The following MAGI1 variants were observed in gnomAD, a reference collection of about 807,000 sequenced individuals.
The protein encoded by MAGI1 is membrane associated guanylate kinase, WW and PDZ domain containing 1.
A neutral mutation model predicts 139.9 loss-of-function variants in MAGI1; 58 were observed. That is an observed-to-expected ratio of 0.41 (90% confidence interval 0.34 to 0.52). The LOEUF (loss-of-function observed/expected upper bound fraction) is 0.52. MAGI1 is among the 20% of genes least tolerant of loss of function. The pLI is 0.12. For synonymous variants in MAGI1, 812 were observed against 737.9 expected (o/e 1.10, Z -1.63); for missense variants, 1,874 against 1,901.6 (o/e 0.99, Z 0.27).
At chr3:66,026,780 C>T (rs932528062) in intron 1 of MAGI1, among the ~76,000 whole-genome samples, 1 of 151,616 alleles carries the variant, frequency 6.6e-6, no homozygotes, top group South Asian at 2.1e-4. Flanking sequence ...AGCAGCACAC[C>T]GTTTTTTGGC....
intron 1 of MAGI1, among the ~76,000 whole-genome samples, chr3:65,676,697 C>A (rs1338009911): frequency 1.3e-5 from 2 of 152,156 alleles, no homozygotes; most frequent in African/African-American, 4.8e-5. Flanking sequence ...GCAAAAAATT[C>A]TACATTTTAT....
chr3:65,483,754 G>T (rs1486186214), intron 3 of MAGI1, among the ~76,000 whole-genome samples: 2 of 152,158 alleles, frequency 1.3e-5, no homozygotes, highest in Admixed American at 6.5e-5. Context: ...GGGTAGCCAG[G>T]GAGGAAAGCG....
chr3:65,425,892 G>A (rs1007338452), intron 12 of MAGI1, among the ~76,000 whole-genome samples: 4 of 152,092 alleles, frequency 2.6e-5, no homozygotes, highest in Non-Finnish European at 5.9e-5. Flanking sequence ...AAGTTCGATA[G>A]CTTTTACAAA....
chr3:65,442,425 T>A (rs1000001038), intron 8 of MAGI1, among the ~76,000 whole-genome samples: 1 of 152,166 alleles, frequency 6.6e-6, no homozygotes, highest in South Asian at 2.1e-4. Context: ...ACGAATCAGA[T>A]ACTCCTTGTA....
chr3:65,442,359 G>T (rs1478029225), intron 8 of MAGI1, among the ~76,000 whole-genome samples: 3 of 152,130 alleles, frequency 2.0e-5, no homozygotes, highest in Non-Finnish European at 4.4e-5. Context: ...TGAAATGTAT[G>T]AATGAATAAA....
intron 1 of MAGI1, among the ~76,000 whole-genome samples, chr3:65,870,975 G>A (rs1223082513): frequency 6.6e-6 from 1 of 152,018 alleles, no homozygotes; most frequent in Non-Finnish European, 1.5e-5. Flanking sequence ...GTCTCACTCC[G>A]TCATCTAGGG....
chr3:65,752,670 G>T (rs151218545), intron 1 of MAGI1, among the ~76,000 whole-genome samples: 133 of 152,266 alleles, frequency 8.7e-4, no homozygotes, highest in African/African-American at 3.1e-3. Flanking sequence ...TCAAACTTTA[G>T]TCTGGTTCCT....
intron 1 of MAGI1, among the ~76,000 whole-genome samples, chr3:65,927,459 T>C (rs112072514): frequency 6.6e-6 from 1 of 152,154 alleles, no homozygotes; most frequent in African/African-American, 2.4e-5. Context: ...ATGCCACAAG[T>C]GTGAACTGCT....
intron 1 of MAGI1, among the ~76,000 whole-genome samples, chr3:65,987,494 C>T (rs56353411): frequency 0.77 from 116,972 of 152,198 alleles, 45,434 homozygotes; most frequent in East Asian, 0.96. Flanking sequence ...GTGAGGCAGG[C>T]GAGCCACTTA....
At chr3:65,380,446 C>T (rs1013975331) in intron 16 of MAGI1, among the ~76,000 whole-genome samples, 1 of 152,160 alleles carries the variant, frequency 6.6e-6, no homozygotes, top group African/African-American at 2.4e-5. Flanking sequence ...TCATCATCAT[C>T]CATCTCCAGA....
chr3:65,463,671 C>G (rs1949976970), intron 5 of MAGI1, among the ~76,000 whole-genome samples: 1 of 151,268 alleles, frequency 6.6e-6, no homozygotes. Flanking sequence ...CCCTCTTTTT[C>G]TATTGCTTGG....
chr3:65,946,518 G>A (rs2063551297), intron 1 of MAGI1, among the ~76,000 whole-genome samples: 1 of 152,074 alleles, frequency 6.6e-6, no homozygotes, highest in African/African-American at 2.4e-5. Context: ...GCCAAGGGTG[G>A]CAATGACTTT....
intron 1 of MAGI1, among the ~76,000 whole-genome samples, chr3:65,795,696 T>TACAC (rs10527666): frequency 0.017 from 2,414 of 138,984 alleles, 48 homozygotes; most frequent in African/African-American, 0.04. Context: ...GATGATAAGA[T>TACAC]ACACACACAC....
At chr3:65,358,201 G>A (rs1232053841) in intron 22 of MAGI1, among the ~76,000 whole-genome samples, 3 of 152,054 alleles carry the variant, frequency 2.0e-5, no homozygotes, top group Non-Finnish European at 4.4e-5. Context: ...AATGTTTTAG[G>A]CAGTGTCCTG....
At chr3:65,668,644 G>A in intron 1 of MAGI1, among the ~76,000 whole-genome samples, 1 of 131,704 alleles carries the variant, frequency 7.6e-6, no homozygotes, top group South Asian at 2.4e-4. Context: ...TCAGCTCACT[G>A]CAACCTCTGC....
intron 2 of MAGI1, among the ~76,000 whole-genome samples, chr3:65,605,836 C>T (rs984063256): frequency 5.9e-5 from 9 of 152,060 alleles, no homozygotes; most frequent in Non-Finnish European, 1.0e-4. Flanking sequence ...AATATTTTGA[C>T]GAAAGAATTA....
intron 7 of MAGI1, among the ~76,000 whole-genome samples, chr3:65,447,459 A>G (rs1948745858): frequency 6.6e-6 from 1 of 152,164 alleles, no homozygotes; most frequent in Non-Finnish European, 1.5e-5. Flanking sequence ...TATATAAACA[A>G]CCACTCACTA....
At chr3:65,915,756 A>C (rs1644774407) in intron 1 of MAGI1, among the ~76,000 whole-genome samples, 1 of 152,006 alleles carries the variant, frequency 6.6e-6, no homozygotes, top group Non-Finnish European at 1.5e-5. Flanking sequence ...AATGATGACT[A>C]TCAGGTAACT....
At chr3:65,505,216 G>T (rs1490585551) in intron 2 of MAGI1, among the ~76,000 whole-genome samples, 4 of 152,030 alleles carry the variant, frequency 2.6e-5, no homozygotes, top group African/African-American at 9.7e-5. Context: ...AAAATGGAAT[G>T]AACTACTTCC....
Sources: gnomAD v4.1 joint callset for allele counts (sites outside exome capture counted in the v4.1 genomes callset) on GRCh38, gnomAD v4.1.1 for gene constraint, MANE v1.5 for transcripts, NCBI Gene and HGNC (gene_info 2026-07-23, HGNC 2026-07-21) for gene names.